FTO: variants seen among roughly 807,000 people sequenced by gnomAD.
The protein encoded by FTO is FTO alpha-ketoglutarate dependent dioxygenase.
FTO carries 47 observed loss-of-function variants against 63.9 expected under a neutral mutation model. The ratio of observed to expected loss-of-function variants is 0.74; its 90% CI spans 0.58 to 0.94. FTO has a LOEUF of 0.94. Among genes scored for constraint, FTO ranks in the 40% least tolerant of loss-of-function variants. The pLI is 0.00. For missense variants in FTO, 562 were observed against 618.1 expected (o/e 0.91, Z 0.96); for synonymous variants, 207 against 224.4 (o/e 0.92, Z 0.69).
rs1349940354 is a variant in FTO, at chr16:54,113,251, T to A, written c.*1336T>A. On this transcript the variant is annotated 3_prime_UTR_variant, in exon 9 of 9. Coordinates refer to ENST00000471389, the MANE Select transcript of FTO (RefSeq NM_001080432.3). ...ATCTCTCCCTTTCTGACCTGGCTCC[T>A]GCCCATTGGTGTCCCAAGAAATCGT... The A allele has an allele frequency of 6.6e-6, 1 of 151,170 alleles. No individual in the cohort carries two copies. The highest frequency in any genetic ancestry group is 1.5e-5 in the Non-Finnish European group (1 of 67,936). The allele number at this position is 151,170 out of a possible 1,614,324, so 9.4% of individuals were successfully genotyped here.
chr16:53,846,857 A>T (rs1243502733), intron 4 of FTO, among the ~76,000 whole-genome samples: 1 of 151,784 alleles, frequency 6.6e-6, no homozygotes, highest in Non-Finnish European at 1.5e-5. Context: ...GCTATATTCC[A>T]TATATTTAAT....
At chr16:53,946,583 A>T (rs904190285) in intron 8 of FTO, among the ~76,000 whole-genome samples, 4 of 151,872 alleles carry the variant, frequency 2.6e-5, no homozygotes, top group Admixed American at 2.0e-4. Flanking sequence ...TTATTCTTAT[A>T]TTTTTTTTCA....
At chr16:53,773,420 G>T (rs1191469663) in intron 1 of FTO, among the ~76,000 whole-genome samples, 1 of 152,084 alleles carries the variant, frequency 6.6e-6, no homozygotes, top group African/African-American at 2.4e-5. Context: ...AGGTGTCAGG[G>T]AAATTGTTTT....
At chr16:53,834,125 C>T (rs1015607249) in intron 3 of FTO, among the ~76,000 whole-genome samples, 4 of 151,968 alleles carry the variant, frequency 2.6e-5, no homozygotes, top group South Asian at 2.1e-4. Flanking sequence ...CCCAGGTTCA[C>T]GCCATTCTCC....
intron 4 of FTO, among the ~76,000 whole-genome samples, chr16:53,848,064 T>C (rs2079683020): frequency 6.6e-6 from 1 of 152,184 alleles, no homozygotes; most frequent in South Asian, 2.1e-4. Flanking sequence ...TTAGAATATA[T>C]ATTTTTATTA....
intron 1 of FTO, among the ~76,000 whole-genome samples, chr16:53,773,668 C>G (rs2077395383): frequency 6.6e-6 from 1 of 152,142 alleles, no homozygotes; most frequent in Admixed American, 6.6e-5. Flanking sequence ...TAACCTCTGC[C>G]TAACAGGACT....
chr16:54,120,317 T>C lies in FTO; in HGVS notation c.*8402T>C, dbSNP rs185606753. The C allele has an allele frequency of 6.6e-6, 1 of 152,362 alleles. No homozygotes were observed. The highest frequency in any genetic ancestry group is 1.9e-4 in the East Asian group (1 of 5,174). 9.4% of individuals were successfully genotyped at this position (152,362 alleles called of 1,614,324 possible). On this transcript the variant is annotated 3_prime_UTR_variant, in exon 9 of 9. Coordinates refer to ENST00000471389, the MANE Select transcript of FTO (RefSeq NM_001080432.3). ...TTCCTTTGACTGCCATATTGCCAGCTCTTCATAGTATTGACTCTTCAGTCT... is the reference window on the plus strand; with the variant it reads ...TTCCTTTGACTGCCATATTGCCAGCCCTTCATAGTATTGACTCTTCAGTCT...
intron 7 of FTO, among the ~76,000 whole-genome samples, chr16:53,902,281 A>G (rs377059383): frequency 1.4e-4 from 22 of 152,288 alleles, no homozygotes; most frequent in East Asian, 1.4e-3. Flanking sequence ...AGGAATGTCA[A>G]TGTTGGAAGG....
chr16:54,046,113 A>G (rs1187986189), intron 8 of FTO, among the ~76,000 whole-genome samples: 2 of 94,476 alleles, frequency 2.1e-5, no homozygotes, highest in Non-Finnish European at 1.8e-5. Flanking sequence ...TGGCCAGGGC[A>G]ATCAAGCAGG....
At chr16:54,042,886 A>G (rs2085117217) in intron 8 of FTO, among the ~76,000 whole-genome samples, 1 of 80,574 alleles carries the variant, frequency 1.2e-5, no homozygotes, top group Non-Finnish European at 2.0e-5. Flanking sequence ...ACAGACCTGC[A>G]GCTGAGGGTC....
rs1297669890 is a variant in FTO, at chr16:53,873,867, T to A, written c.975+2T>A. 6.2e-7 allele frequency: 1 copy of A among 1,608,418 alleles called. No individual in the cohort carries two copies. The highest frequency in any genetic ancestry group is 1.3e-5 in the African/African-American group (1 of 74,748). ...AGTTCCACCCACCGAGTGGCAGAGGTAAGTGTAAATAAAAATGTGATTCAC... is the reference window on the plus strand; with the variant it reads ...AGTTCCACCCACCGAGTGGCAGAGGAAAGTGTAAATAAAAATGTGATTCAC... On this transcript the variant is annotated splice_donor_variant, in intron 5 of 8. Coordinates refer to ENST00000471389, the MANE Select transcript of FTO (RefSeq NM_001080432.3). LOFTEE classifies it high-confidence loss of function.
At chr16:53,966,286 C>T (rs147458024) in intron 8 of FTO, among the ~76,000 whole-genome samples, 1,753 of 152,206 alleles carry the variant, frequency 0.012, 12 homozygotes, top group Non-Finnish European at 0.015. Flanking sequence ...AATCTTGTAC[C>T]ATCATTAAAA....
intron 8 of FTO, among the ~76,000 whole-genome samples, chr16:54,012,218 A>G (rs1331849977): frequency 6.6e-6 from 1 of 152,214 alleles, no homozygotes; most frequent in South Asian, 2.1e-4. Flanking sequence ...TGATACGGAG[A>G]GAGTTTGAGT....
At chr16:54,096,405 C>T (rs2086517208) in intron 8 of FTO, among the ~76,000 whole-genome samples, 2 of 152,150 alleles carry the variant, frequency 1.3e-5, no homozygotes, top group Non-Finnish European at 2.9e-5. Flanking sequence ...GGACTTCTTC[C>T]CTTTCTACAA....
intron 8 of FTO, chr16:53,979,234 T>C: frequency 5.1e-6 from 2 of 394,424 alleles, no homozygotes; most frequent in Non-Finnish European, 8.9e-6. Flanking sequence ...TCTTTGAGGC[T>C]TTCTTGAACA....
At chr16:53,938,828 G>A (rs2082452079) in intron 8 of FTO, among the ~76,000 whole-genome samples, 1 of 152,054 alleles carries the variant, frequency 6.6e-6, no homozygotes. Flanking sequence ...GGTGGCTCAC[G>A]CCTGTAATCC....
intron 8 of FTO, among the ~76,000 whole-genome samples, chr16:54,021,869 A>G (rs1229165901): frequency 6.6e-6 from 1 of 152,190 alleles, no homozygotes; most frequent in Non-Finnish European, 1.5e-5. Context: ...AGCCTTTAAA[A>G]TGAAATATGA....
At chr16:53,733,642 T>TTACTCTC (rs1343671009) in intron 1 of FTO, among the ~76,000 whole-genome samples, 13 of 152,202 alleles carry the variant, frequency 8.5e-5, no homozygotes, top group Non-Finnish European at 1.3e-4. Flanking sequence ...TTAAGGCTTT[T>TTACTCTC]TTAAGAGAGT....
At chr16:53,910,677 A>G (rs1421754674) in intron 7 of FTO, among the ~76,000 whole-genome samples, 2 of 152,186 alleles carry the variant, frequency 1.3e-5, no homozygotes, top group Non-Finnish European at 2.9e-5. Flanking sequence ...GTGGTATTAC[A>G]GATGCGCACC....
Sources: allele counts gnomAD v4.1 joint callset (sites outside exome capture counted in the v4.1 genomes callset), GRCh38; gene constraint gnomAD v4.1.1; transcripts MANE v1.5; gene names NCBI Gene and HGNC (gene_info 2026-07-23, HGNC 2026-07-21).